Variants in CNTN4 observed in about 807,000 individuals in gnomAD.
The protein encoded by CNTN4 is contactin-4.
In CNTN4, 77 loss-of-function variants were observed where a neutral mutation model predicts 122.5. The observed-to-expected ratio is 0.63, with a 90% CI of 0.52 to 0.76. The LOEUF is 0.76. CNTN4 is among the 30% of genes least tolerant of loss of function. CNTN4 has a pLI of 0.00. For missense variants in CNTN4, 1,256 were observed against 1,259.1 expected (o/e 1.00, Z 0.04); for synonymous variants, 512 against 447.0 (o/e 1.15, Z -1.83).
intron 3 of CNTN4, among the ~76,000 whole-genome samples, chr3:2,429,366 G>C (rs983153341): frequency 1.3e-5 from 2 of 152,228 alleles, no homozygotes; most frequent in African/African-American, 2.4e-5. Flanking sequence ...CTGTTTGCCT[G>C]AGTGTCAGCA....
intron 4 of CNTN4, among the ~76,000 whole-genome samples, chr3:2,640,266 A>T (rs1261809350): frequency 6.6e-6 from 1 of 152,238 alleles, no homozygotes; most frequent in Admixed American, 6.5e-5. Context: ...ATTATACATG[A>T]AAACTGCTGT....
At chr3:2,727,588 C>A (rs1044396502) in intron 4 of CNTN4, among the ~76,000 whole-genome samples, 1 of 152,172 alleles carries the variant, frequency 6.6e-6, no homozygotes, top group Admixed American at 6.5e-5. Flanking sequence ...GCCTAAAAAT[C>A]CTCGAGCAAT....
At chr3:2,433,800 C>T (rs1367666094) in intron 3 of CNTN4, among the ~76,000 whole-genome samples, 1 of 152,068 alleles carries the variant, frequency 6.6e-6, no homozygotes, top group Non-Finnish European at 1.5e-5. Flanking sequence ...TCTAGGTTTA[C>T]GATGTGAGGT....
chr3:2,681,468 A>G (rs931695648), intron 4 of CNTN4, among the ~76,000 whole-genome samples: 2 of 152,182 alleles, frequency 1.3e-5, no homozygotes, highest in African/African-American at 4.8e-5. Context: ...GAGGAGGGTT[A>G]AGAGACCCCA....
intron 14 of CNTN4, among the ~76,000 whole-genome samples, chr3:2,992,484 A>G (rs953485928): frequency 6.6e-6 from 1 of 152,308 alleles, no homozygotes; most frequent in Non-Finnish European, 1.5e-5. Flanking sequence ...TTTATATGCA[A>G]TATTGTACTT....
intron 3 of CNTN4, among the ~76,000 whole-genome samples, chr3:2,354,897 G>T (rs867915622): frequency 5.3e-5 from 8 of 152,156 alleles, no homozygotes; most frequent in South Asian, 4.1e-4. Context: ...AAATTAAAAG[G>T]CTCCAAGACA....
At chr3:2,617,419 C>CTTTTTTTTTTTTTTT (rs71058631) in intron 4 of CNTN4, among the ~76,000 whole-genome samples, 2 of 108,528 alleles carry the variant, frequency 1.8e-5, no homozygotes, top group African/African-American at 7.3e-5. Flanking sequence ...AGAGAAATGC[C>CTTTTTTTTTTTTTTT]TTTTTTTTTT....
At chr3:2,448,191 G>A (rs143113650) in intron 3 of CNTN4, among the ~76,000 whole-genome samples, 3 of 152,288 alleles carry the variant, frequency 2.0e-5, no homozygotes, top group African/African-American at 7.2e-5. Flanking sequence ...GAAGCCTGGT[G>A]GGGGAAAAGC....
intron 2 of CNTN4, among the ~76,000 whole-genome samples, chr3:2,140,964 C>T (rs2034965366): frequency 6.6e-6 from 1 of 152,152 alleles, no homozygotes; most frequent in African/African-American, 2.4e-5. Context: ...TTATAATCTG[C>T]CAGCCTGACC....
intron 3 of CNTN4, among the ~76,000 whole-genome samples, chr3:2,562,184 T>G (rs2078984048): frequency 6.6e-6 from 1 of 152,194 alleles, no homozygotes; most frequent in Non-Finnish European, 1.5e-5. Context: ...TGGGAGAAAT[T>G]CAACAGAGTG....
chr3:2,940,656 A>G lies in CNTN4; in HGVS notation c.1358+14877A>G, dbSNP rs56074284. Among the ~76,000 whole-genome samples the G allele has an allele frequency of 9.0e-3, 1,375 of 152,244 alleles. 13 individuals carry two copies. The Middle Eastern group carries it at 0.099, about 11-fold the overall frequency. ...GAGCAGAAGAATGGACTAGAAATCAATTATTGTGGGAAATGATGAGGAACC... is the reference window on the plus strand; with the variant it reads ...GAGCAGAAGAATGGACTAGAAATCAGTTATTGTGGGAAATGATGAGGAACC... On this transcript the variant is annotated intron_variant, in intron 13 of 24. Coordinates refer to ENST00000418658, the MANE Select transcript of CNTN4 (RefSeq NM_175607.3).
At chr3:2,166,416 T>A (rs2036197831) in intron 2 of CNTN4, among the ~76,000 whole-genome samples, 1 of 152,056 alleles carries the variant, frequency 6.6e-6, no homozygotes, top group Non-Finnish European at 1.5e-5. Flanking sequence ...AGTGAGAGAT[T>A]ATGAGAGTGT....
chr3:3,020,175 G>A (rs1252320875), intron 14 of CNTN4, among the ~76,000 whole-genome samples: 1 of 151,922 alleles, frequency 6.6e-6, no homozygotes, highest in Admixed American at 6.6e-5. Context: ...AGTACTTCAA[G>A]ATTCAAGGCC....
At chr3:2,568,335 A>AC (rs2079271302) in intron 3 of CNTN4, among the ~76,000 whole-genome samples, 1 of 151,230 alleles carries the variant, frequency 6.6e-6, no homozygotes, top group East Asian at 1.9e-4. Context: ...AAAAAAAAAA[A>AC]AAAAACCACC....
chr3:2,606,640 TG>T (rs2081272857), intron 4 of CNTN4, among the ~76,000 whole-genome samples: 1 of 152,216 alleles, frequency 6.6e-6, no homozygotes, highest in Non-Finnish European at 1.5e-5. Context: ...ACATTAGTTT[TG>T]TTTTTAAAGT....
intron 3 of CNTN4, among the ~76,000 whole-genome samples, chr3:2,559,758 A>C (rs966543807): frequency 2.0e-5 from 3 of 152,190 alleles, no homozygotes; most frequent in African/African-American, 7.2e-5. Context: ...AATGGGGTGG[A>C]AATATCCCAC....
chr3:2,224,997 A>G (rs1348212759), intron 2 of CNTN4, among the ~76,000 whole-genome samples: 1 of 151,426 alleles, frequency 6.6e-6, no homozygotes, highest in Non-Finnish European at 1.5e-5. Context: ...AAAAAATACA[A>G]AAATTAGCCG....
At chr3:2,895,919 G>A (rs1053127117) in intron 10 of CNTN4, among the ~76,000 whole-genome samples, 3 of 152,200 alleles carry the variant, frequency 2.0e-5, no homozygotes, top group Admixed American at 6.5e-5. Flanking sequence ...TGTGGTCCCA[G>A]CTACTCGGGA....
intron 6 of CNTN4, among the ~76,000 whole-genome samples, chr3:2,790,852 A>T (rs1249639885): frequency 1.3e-5 from 2 of 152,208 alleles, no homozygotes; most frequent in African/African-American, 4.8e-5. Flanking sequence ...CATAAAATTG[A>T]TAAGTATTTG....
Sources: allele counts gnomAD v4.1 joint callset (sites outside exome capture counted in the v4.1 genomes callset), GRCh38; gene constraint gnomAD v4.1.1; transcripts MANE v1.5; gene names NCBI Gene and HGNC (gene_info 2026-07-23, HGNC 2026-07-21).